The following CNTN4 variants were observed in gnomAD, a reference collection of about 807,000 sequenced individuals.
CNTN4 encodes contactin-4.
In CNTN4, 77 loss-of-function variants were observed where a neutral mutation model predicts 122.5. That is an observed-to-expected ratio of 0.63 (90% CI 0.52 to 0.76). CNTN4 has a LOEUF of 0.76. CNTN4 is among the 30% of genes least tolerant of loss of function. The probability of loss-of-function intolerance (pLI) is 0.00; values close to 1 mark genes in which losing one functional copy is unlikely to be tolerated. For missense variants in CNTN4, 1,256 were observed against 1,259.1 expected (o/e 1.00, Z 0.04); for synonymous variants, 512 against 447.0 (o/e 1.15, Z -1.83).
intron 4 of CNTN4, among the ~76,000 whole-genome samples, chr3:2,687,485 ACT>A (rs1274942278): frequency 6.6e-6 from 1 of 151,836 alleles, no homozygotes; most frequent in Non-Finnish European, 1.5e-5. Flanking sequence ...ACATGGTAAG[ACT>A]CTATGTCTTC....
intron 4 of CNTN4, among the ~76,000 whole-genome samples, chr3:2,633,725 C>A (rs1360776778): frequency 6.6e-6 from 1 of 152,184 alleles, no homozygotes; most frequent in Admixed American, 6.5e-5. Flanking sequence ...GCACAGTGTT[C>A]ATAACCTTGC....
intron 4 of CNTN4, among the ~76,000 whole-genome samples, chr3:2,690,445 T>G (rs1319881204): frequency 3.3e-5 from 5 of 152,154 alleles, no homozygotes; most frequent in African/African-American, 1.2e-4. Flanking sequence ...GGTAGGTTAT[T>G]TAACTCTCTA....
In CNTN4 at chr3:2,902,902, A is replaced by T. The variant is rs1200758064; in HGVS notation, c.1104A>T (p.Thr368=). 1.2e-6 allele frequency: 2 copies of T among 1,613,770 alleles called. No homozygotes were observed. The highest frequency in any genetic ancestry group is 1.7e-6 in the Non-Finnish European group (2 of 1,179,810). The part of the protein sequence containing the change: ...TRDRIQIEQG[T]LNITIVNLSD... ...ATAGAATTCAAATTGAGCAAGGAAC[A>T]CTCAACATAACAATAGTGAACCTCT... is the stretch of plus-strand genomic sequence containing the variant. The change falls in exon 12 of 25, where the codon ACA becomes ACT. Residue 368 remains threonine, a synonymous_variant. Transcript: ENST00000418658.
At chr3:2,987,041 G>C (rs767770900) in intron 13 of CNTN4, among the ~76,000 whole-genome samples, 1 of 152,208 alleles carries the variant, frequency 6.6e-6, no homozygotes, top group African/African-American at 2.4e-5. Context: ...GATCTATCAG[G>C]AAAAGCTACC....
chr3:2,198,755 C>A (rs2037961258), intron 2 of CNTN4, among the ~76,000 whole-genome samples: 1 of 152,186 alleles, frequency 6.6e-6, no homozygotes, highest in Admixed American at 6.5e-5. Flanking sequence ...CTTTTTCAGG[C>A]TGCCCATTAC....
At chr3:2,125,328 CTCTGTG>C (rs2034072306) in intron 2 of CNTN4, among the ~76,000 whole-genome samples, 1 of 69,866 alleles carries the variant, frequency 1.4e-5, no homozygotes, top group Admixed American at 1.9e-4. Flanking sequence ...ACATTCTATT[CTCTGTG>C]TGTGTGTGTG....
At chr3:2,211,800 C>G (rs961221292) in intron 2 of CNTN4, among the ~76,000 whole-genome samples, 3 of 152,132 alleles carry the variant, frequency 2.0e-5, no homozygotes, top group Non-Finnish European at 4.4e-5. Context: ...ATTTAACAAG[C>G]ATTTACCAAG....
At chr3:2,307,171 C>G (rs2042739618) in intron 2 of CNTN4, among the ~76,000 whole-genome samples, 1 of 152,276 alleles carries the variant, frequency 6.6e-6, no homozygotes, top group South Asian at 2.1e-4. Context: ...CGCAGTGGCT[C>G]ACGCCTGTAA....
chr3:2,936,507 T>C (rs2094568492), intron 13 of CNTN4, among the ~76,000 whole-genome samples: 1 of 152,190 alleles, frequency 6.6e-6, no homozygotes, highest in East Asian at 1.9e-4. Flanking sequence ...CTAAGTCTTA[T>C]GAGATGACCA....
chr3:2,561,042 A>G (rs2078930857), intron 3 of CNTN4, among the ~76,000 whole-genome samples: 1 of 152,178 alleles, frequency 6.6e-6, no homozygotes, highest in Admixed American at 6.5e-5. Flanking sequence ...GCTGTGCGTA[A>G]TGATGGACAT....
chr3:2,426,380 T>C (rs762992197), intron 3 of CNTN4, among the ~76,000 whole-genome samples: 4 of 152,174 alleles, frequency 2.6e-5, no homozygotes, highest in Non-Finnish European at 5.9e-5. Flanking sequence ...TTATTGATTT[T>C]CGTTATGTTG....
chr3:2,590,309 TG>T (rs2080407365), intron 4 of CNTN4, among the ~76,000 whole-genome samples: 1 of 152,146 alleles, frequency 6.6e-6, no homozygotes, highest in South Asian at 2.1e-4. Flanking sequence ...CAGGCTGGAG[TG>T]CAGTGGCACG....
chr3:2,386,245 G>C (rs960217880), intron 3 of CNTN4, among the ~76,000 whole-genome samples: 2 of 151,288 alleles, frequency 1.3e-5, no homozygotes, highest in African/African-American at 4.8e-5. Flanking sequence ...CTTGAATTCT[G>C]ACTGGATTAT....
At chr3:2,582,826 C>A (rs2080004686) in intron 4 of CNTN4, among the ~76,000 whole-genome samples, 1 of 151,164 alleles carries the variant, frequency 6.6e-6, no homozygotes, top group African/African-American at 2.4e-5. Flanking sequence ...ATTAAAAATC[C>A]ATATTGAGTC....
intron 2 of CNTN4, among the ~76,000 whole-genome samples, chr3:2,192,070 T>C (rs192071649): frequency 2.8e-4 from 42 of 152,016 alleles, no homozygotes; most frequent in African/African-American, 9.4e-4. Context: ...CATCCTTTTT[T>C]ATGGCTGCAT....
intron 6 of CNTN4, among the ~76,000 whole-genome samples, chr3:2,756,462 C>A (rs935516301): frequency 6.6e-6 from 1 of 152,204 alleles, no homozygotes; most frequent in Non-Finnish European, 1.5e-5. Flanking sequence ...CTTGGACTTC[C>A]CAGCCTCCAG....
intron 6 of CNTN4, among the ~76,000 whole-genome samples, chr3:2,819,114 T>C (rs2092806620): frequency 6.6e-6 from 1 of 152,232 alleles, no homozygotes. Flanking sequence ...CTATCCAATG[T>C]GATGTCCTGG....
In CNTN4 at chr3:2,988,581, A is replaced by G. The variant is rs916310290; in HGVS notation, c.1486+109A>G. On this transcript the variant is annotated intron_variant, in intron 14 of 24. Coordinates refer to ENST00000418658, the MANE Select transcript of CNTN4 (RefSeq NM_175607.3). The stretch of plus-strand genomic sequence containing the variant: ...TATTAATATGTACAGATACCACTGT[A>G]TTGCTAAATTAATTCATCACGGCAA... The G allele has an allele frequency of 4.4e-6, 5 of 1,124,810 alleles. No homozygotes were observed. The African/African-American group carries it at 7.7e-5, about 17-fold the overall frequency. The allele number at this position is 1,124,810 out of a possible 1,614,324, so 69.7% of individuals were successfully genotyped here. A position where few individuals can be genotyped will look rare whatever the true frequency, so the allele number is the denominator to read the frequency against.
At chr3:2,329,647 A>C in intron 2 of CNTN4, among the ~76,000 whole-genome samples, 1 of 152,236 alleles carries the variant, frequency 6.6e-6, no homozygotes, top group East Asian at 1.9e-4. Flanking sequence ...TAGAGAAACC[A>C]GTGATAACTG....
Sources: gnomAD v4.1 joint callset for allele counts (sites outside exome capture counted in the v4.1 genomes callset) on GRCh38, gnomAD v4.1.1 for gene constraint, MANE v1.5 for transcripts, NCBI Gene and HGNC (gene_info 2026-07-23, HGNC 2026-07-21) for gene names.